Variants in CTNNA2 observed in about 807,000 individuals in gnomAD.
The protein encoded by CTNNA2 is catenin alpha-2.
CTNNA2 carries 42 observed loss-of-function variants against 101.0 expected under a neutral mutation model. The observed-to-expected ratio is 0.42, with a 90% confidence interval of 0.32 to 0.54. The LOEUF (loss-of-function observed/expected upper bound fraction) is 0.54. CTNNA2 is among the 20% of genes least tolerant of loss of function. The pLI, the probability that CTNNA2 is intolerant of heterozygous loss-of-function variation, is 0.14. For missense variants in CTNNA2, 871 were observed against 1,223.1 expected (o/e 0.71, Z 4.29); for synonymous variants, 450 against 456.4 (o/e 0.99, Z 0.18).
intron 7 of CTNNA2, among the ~76,000 whole-genome samples, chr2:80,368,879 A>ATATATATG (rs1333668654): frequency 6.6e-6 from 1 of 150,512 alleles, no homozygotes; most frequent in Non-Finnish European, 1.5e-5. Context: ...ATATATATAT[A>ATATATATG]TATATTTGGC....
intron 3 of CTNNA2, among the ~76,000 whole-genome samples, chr2:79,822,352 C>A (rs778617902): frequency 1.3e-5 from 2 of 152,056 alleles, no homozygotes; most frequent in Non-Finnish European, 2.9e-5. Flanking sequence ...CAAGTTAGTC[C>A]AGTGGACAAT....
chr2:79,386,310 T>C (rs558937610), intron 4 of CTNNA2, among the ~76,000 whole-genome samples: 1 of 152,300 alleles, frequency 6.6e-6, no homozygotes, highest in South Asian at 2.1e-4. Context: ...TCCTCACATC[T>C]GGGACTCAGG....
chr2:79,786,004 G>A (rs906081167), intron 3 of CTNNA2, among the ~76,000 whole-genome samples: 2 of 152,160 alleles, frequency 1.3e-5, no homozygotes, highest in African/African-American at 4.8e-5. Context: ...AGGTGGGCAG[G>A]AGAGAAGATC....
chr2:79,810,993 T>G (rs1331202317), intron 3 of CTNNA2, among the ~76,000 whole-genome samples: 1 of 151,414 alleles, frequency 6.6e-6, no homozygotes. Context: ...AACATACGTG[T>G]GCATGTGTCT....
intron 7 of CTNNA2, among the ~76,000 whole-genome samples, chr2:79,982,234 ATATATATGTATG>A (rs1691358819): frequency 1.0e-5 from 1 of 96,034 alleles, no homozygotes; most frequent in African/African-American, 4.5e-5. Flanking sequence ...ATATATATAT[ATATATATGTATG>A]TATATGTACA....
intron 2 of CTNNA2, among the ~76,000 whole-genome samples, chr2:79,675,622 T>A (rs760589500): frequency 2.0e-5 from 3 of 152,208 alleles, no homozygotes; most frequent in Non-Finnish European, 4.4e-5. Flanking sequence ...TTTATCAAAA[T>A]ACTCAGTTGC....
chr2:80,097,621 T>A (rs1047391537), intron 7 of CTNNA2, among the ~76,000 whole-genome samples: 1 of 152,244 alleles, frequency 6.6e-6, no homozygotes, highest in African/African-American at 2.4e-5. Flanking sequence ...GGTTCCATTC[T>A]GTCCGTCACT....
At chr2:79,231,920 TTTACCAAATTTGTTTATTA>T (rs1464872611) in intron 2 of CTNNA2, among the ~76,000 whole-genome samples, 30 of 152,180 alleles carry the variant, frequency 2.0e-4, no homozygotes, top group African/African-American at 7.2e-4. Context: ...ATCCTAAAAC[TTTACCAAATTTGTTTATTA>T]GTTCCAGGAG....
At chr2:80,537,467 A>G (rs1691140736) in intron 9 of CTNNA2, among the ~76,000 whole-genome samples, 1 of 152,126 alleles carries the variant, frequency 6.6e-6, no homozygotes, top group Non-Finnish European at 1.5e-5. Context: ...GTCAAATGAT[A>G]TTTCTGGTTC....
chr2:80,202,925 C>T (rs533601513), intron 7 of CTNNA2, among the ~76,000 whole-genome samples: 22 of 152,180 alleles, frequency 1.4e-4, no homozygotes, highest in Middle Eastern at 3.4e-3. Context: ...TCCACGTGAC[C>T]GGGGAGGCCT....
intron 9 of CTNNA2, among the ~76,000 whole-genome samples, chr2:80,531,405 T>C (rs1170292021): frequency 2.6e-5 from 4 of 152,162 alleles, no homozygotes; most frequent in Admixed American, 2.6e-4. Flanking sequence ...GAAGTGGATA[T>C]CCAAGAAGGA....
chr2:80,469,810 A>G (rs1466187015), intron 9 of CTNNA2, among the ~76,000 whole-genome samples: 1 of 152,132 alleles, frequency 6.6e-6, no homozygotes, highest in African/African-American at 2.4e-5. Context: ...GTTGGTGGGG[A>G]ACCTTTAAGC....
intron 7 of CTNNA2, among the ~76,000 whole-genome samples, chr2:80,176,617 C>T (rs1186269397): frequency 6.6e-6 from 1 of 152,164 alleles, no homozygotes; most frequent in Non-Finnish European, 1.5e-5. Flanking sequence ...CATTTGTAGT[C>T]CTGCCTGGAT....
chr2:79,225,815 C>T (rs1035288947), intron 2 of CTNNA2, among the ~76,000 whole-genome samples: 4 of 152,140 alleles, frequency 2.6e-5, no homozygotes, highest in African/African-American at 9.7e-5. Flanking sequence ...AACCTATGTG[C>T]GGCTTTTTGC....
At chr2:79,476,691 T>C (rs761839933) in intron 4 of CTNNA2, among the ~76,000 whole-genome samples, 13 of 152,234 alleles carry the variant, frequency 8.5e-5, no homozygotes, top group Non-Finnish European at 1.3e-4. Context: ...GGCCCATTGT[T>C]ACTTCTCTGA....
intron 6 of CTNNA2, among the ~76,000 whole-genome samples, chr2:79,886,975 C>T (rs1249082450): frequency 2.0e-5 from 3 of 151,734 alleles, no homozygotes; most frequent in Non-Finnish European, 4.4e-5. Context: ...CACCACCACA[C>T]CCAGCAAGTT....
chr2:79,439,651 G>A (rs1319552562), intron 4 of CTNNA2, among the ~76,000 whole-genome samples: 1 of 152,122 alleles, frequency 6.6e-6, no homozygotes, highest in Non-Finnish European at 1.5e-5. Context: ...GATTCAGTAA[G>A]TCTGGGGTGG....
At chr2:80,160,942 C>G (rs1704278533) in intron 7 of CTNNA2, among the ~76,000 whole-genome samples, 1 of 151,792 alleles carries the variant, frequency 6.6e-6, no homozygotes, top group South Asian at 2.1e-4. Flanking sequence ...ATGTTCCCCT[C>G]TATTCATATT....
chr2:79,763,371 A>G (rs1203876674), intron 3 of CTNNA2, among the ~76,000 whole-genome samples: 4 of 152,070 alleles, frequency 2.6e-5, no homozygotes, highest in Non-Finnish European at 4.4e-5. Flanking sequence ...TTTATTGCAC[A>G]CTTTGATCCA....
Sources: allele counts gnomAD v4.1 joint callset (sites outside exome capture counted in the v4.1 genomes callset), GRCh38; gene constraint gnomAD v4.1.1; transcripts MANE v1.5; gene names NCBI Gene and HGNC (gene_info 2026-07-23, HGNC 2026-07-21).